CABP1: variants seen among roughly 807,000 people sequenced by gnomAD.
CABP1 encodes calcium binding protein 1, also known as calcium-binding protein 1.
Under a neutral mutation model 34.3 loss-of-function variants are expected in CABP1, and 17 were observed. That is an observed-to-expected ratio of 0.50 (90% CI 0.34 to 0.74). The LOEUF (loss-of-function observed/expected upper bound fraction) is 0.74. Ranked by LOEUF, CABP1 falls within the 30% of genes least tolerant of loss-of-function variation. The pLI, the probability that CABP1 is intolerant of heterozygous loss-of-function variation, is 0.01. For synonymous variants in CABP1, 198 were observed against 229.2 expected, an observed-to-expected ratio of 0.86 and a Z score of 1.23; for missense variants, 373 against 511.1, an observed-to-expected ratio of 0.73 and a Z score of 2.61.
At chr12:120,655,805 ATATG>A in intron 1 of CABP1, 1 of 1,510,932 alleles carries the variant, frequency 6.6e-7, no homozygotes, top group East Asian at 2.5e-5. Context: ...GATTCTGTGC[ATATG>A]TATGTGCCAG....
chr12:120,651,573 C>T (rs542161107), intron 1 of CABP1, among the ~76,000 whole-genome samples: 10 of 152,262 alleles, frequency 6.6e-5, no homozygotes, highest in Non-Finnish European at 1.3e-4. Context: ...CTTCCATTTT[C>T]CAGACAAGGA....
chr12:120,667,460 A>C (rs572190755), downstream of CABP1: 20 of 158,558 alleles, frequency 1.3e-4, no homozygotes, highest in Non-Finnish European at 2.5e-4. Context: ...TTATTTCGAG[A>C]AGAAGTCAAA....
At position 120,666,950 on chromosome 12, in the gene CABP1, GA is replaced by G; in HGVS notation, c.*51del. On this transcript the variant is annotated 3_prime_UTR_variant, in exon 6 of 6. Coordinates refer to ENST00000316803, the MANE Select transcript of CABP1 (RefSeq NM_001033677.2). ...GCCAAGCTCCCAAAGGCGGGGCTAA[GA>G]GGAGCTAGAGCTTGCCTCACCCGCT... is the stretch of plus-strand genomic sequence containing the variant. 1 of 1,569,906 alleles carries G rather than the reference GA, an allele frequency of 6.4e-7. No homozygotes were observed. Among genetic ancestry groups the G allele is most frequent in the Non-Finnish European group, 8.6e-7 (1 of 1,163,298 alleles).
chr12:120,680,510 G>A, the CABP1 span, among the ~76,000 whole-genome samples: 2 of 152,166 alleles, frequency 1.3e-5, no homozygotes, highest in South Asian at 4.1e-4. Context: ...GAATGCAGCC[G>A]CCCCAAGTGT....
At chr12:120,659,989 C>T in intron 2 of CABP1, 81 bp downstream of exon 2, 1 of 1,456,388 alleles carries the variant, frequency 6.9e-7, no homozygotes, top group Non-Finnish European at 9.5e-7. Context: ...GAAGAGAGGC[C>T]CCTGGAAATG....
chr12:120,650,838 C>T (rs1472665242), intron 1 of CABP1, among the ~76,000 whole-genome samples: 1 of 152,206 alleles, frequency 6.6e-6, no homozygotes, highest in Admixed American at 6.5e-5. Context: ...AAACACCCTC[C>T]TATTGCCGTT....
chr12:120,646,820 C>T (rs1281007373), intron 1 of CABP1, among the ~76,000 whole-genome samples: 2 of 152,208 alleles, frequency 1.3e-5, no homozygotes, highest in East Asian at 1.9e-4. Flanking sequence ...GCTGTTCAGC[C>T]CTTTTAAAAT....
rs1879708760 is a variant in CABP1 at position 120,649,465 on chromosome 12, G to C, written c.654+8126G>C. ...AGGTCTCAAACCGGACATCTGAGGC[G>C]TGAGATGAATTCATATCAAAGCCGA... On this transcript the variant is annotated intron_variant, in intron 1 of 5. Transcript: ENST00000316803. Among the ~76,000 whole-genome samples the C allele has an allele frequency of 2.6e-5, 4 of 152,238 alleles. No individual in the cohort carries two copies. The South Asian group carries it at 6.2e-4, about 24-fold the overall frequency.
intron 1 of CABP1, chr12:120,655,487 C>T: frequency 9.3e-7 from 1 of 1,077,382 alleles, no homozygotes; most frequent in Non-Finnish European, 1.1e-6. Flanking sequence ...CTCTCACACC[C>T]TGCCTGCTTC....
intron 1 of CABP1, among the ~76,000 whole-genome samples, chr12:120,647,816 A>G (rs1251528816): frequency 6.7e-6 from 1 of 148,706 alleles, no homozygotes; most frequent in African/African-American, 2.5e-5. Flanking sequence ...TCCTGACCTC[A>G]GGTGATCCAC....
At position 120,666,808 on chromosome 12, in the gene CABP1, T is replaced by C. The variant is rs957726819; in HGVS notation, c.1088-67T>C. ...GGGGCAGTGGCAACAGGGTGGGGTC[T>C]GAAGGCAGCAACCTGGGGAGGCCTC... On this transcript the variant is annotated intron_variant, in intron 5 of 5. Transcript: ENST00000316803. 7 of 1,546,464 alleles carry C rather than the reference T, an allele frequency of 4.5e-6. 1 individual carries two copies. The East Asian group carries it at 1.6e-4, about 36-fold the overall frequency.
chr12:120,648,880 A>G (rs888195717), intron 1 of CABP1, among the ~76,000 whole-genome samples: 2 of 91,060 alleles, frequency 2.2e-5, no homozygotes, highest in Non-Finnish European at 4.8e-5. Flanking sequence ...GACACTGTCT[A>G]AAAAAAAAAA....
chr12:120,641,689 A>C lies in CABP1; in HGVS notation c.654+350A>C. ...GCTCCGAGCAGGTGGCGCCAAACCC[A>C]CTCCTCTGGCCTCTGGCCAGTACCG... On this transcript the variant is annotated intron_variant, in intron 1 of 5. Coordinates refer to ENST00000316803, the MANE Select transcript of CABP1 (RefSeq NM_001033677.2). This position sits in a 1 kb window ranked among gnomAD's most constrained non-coding sequence, Gnocchi z 6.7. 9.8e-6 allele frequency: 2 copies of C among 204,564 alleles called. No homozygotes were observed. Among genetic ancestry groups the C allele is most frequent in the African/African-American group, 2.3e-5 (1 of 43,290 alleles). The allele number at this position is 204,564 out of a possible 1,614,324, so 12.7% of individuals were successfully genotyped here. A position where few individuals can be genotyped will look rare whatever the true frequency, so the allele number is the denominator to read the frequency against.
At chr12:120,679,010 T>C in the CABP1 span, among the ~76,000 whole-genome samples, 20 of 146,462 alleles carry the variant, frequency 1.4e-4, no homozygotes, top group African/African-American at 5.1e-4. Context: ...GAGGCCAAGG[T>C]TGCAGTGAGA....
At chr12:120,669,181 G>A (rs1174537468), downstream of CABP1, among the ~76,000 whole-genome samples, 1 of 152,226 alleles carries the variant, frequency 6.6e-6, no homozygotes, top group Non-Finnish European at 1.5e-5. Context: ...CTCAGACCTG[G>A]CAGGGAATGT....
At chr12:120,643,881 T>C (rs1051020206) in intron 1 of CABP1, among the ~76,000 whole-genome samples, 1 of 152,246 alleles carries the variant, frequency 6.6e-6, no homozygotes, top group African/African-American at 2.4e-5. Flanking sequence ...TTGTTGTTAT[T>C]GTTGATTAAC....
At position 120,660,019 on chromosome 12, in the gene CABP1, G is replaced by GT; in HGVS notation, c.685+112dup. ...GAAATGGGGCCTGGTGCAACGCGGGGTATCTTCTGTGAAACCAGCTGCTGA... is the reference window on the plus strand; with the variant it reads ...GAAATGGGGCCTGGTGCAACGCGGGGTTATCTTCTGTGAAACCAGCTGCTGA... On this transcript the variant is annotated intron_variant, in intron 2 of 5. Transcript: ENST00000316803. The surrounding 1 kb of genome is among the most constrained non-coding windows in gnomAD (Gnocchi z 5.0). 7.7e-7 allele frequency: 1 copy of GT among 1,294,372 alleles called. No individual in the cohort carries two copies. Among genetic ancestry groups the GT allele is most frequent in the Non-Finnish European group, 1.1e-6 (1 of 915,570 alleles). The allele number at this position is 1,294,372 out of a possible 1,614,324, so 80.2% of individuals were successfully genotyped here.
the CABP1 span, among the ~76,000 whole-genome samples, chr12:120,680,026 G>C: frequency 6.6e-6 from 1 of 151,952 alleles, no homozygotes; most frequent in South Asian, 2.1e-4. Flanking sequence ...ACAAAAATTA[G>C]CCAGATGTGG....
chr12:120,647,002 G>T lies in CABP1; in HGVS notation c.654+5663G>T, dbSNP rs556965302. On this transcript the variant is annotated intron_variant, in intron 1 of 5. Transcript: ENST00000316803. ...AAGCAGGATGGGATTTCTTCAAAGT[G>T]TGTGATTTTTCCATAGGGACCAGGT... 5.7e-4 allele frequency among the ~76,000 whole-genome samples: 87 copies of T among 152,260 alleles called. 2 individuals are homozygous for T. The South Asian group carries it at 0.016, about 28-fold the overall frequency.
Sources: gnomAD v4.1 joint callset for allele counts (sites outside exome capture counted in the v4.1 genomes callset) on GRCh38, gnomAD v4.1.1 for gene constraint, Gnocchi (gnomAD v3.1) non-coding constraint, MANE v1.5 for transcripts, NCBI Gene and HGNC (gene_info 2026-07-23, HGNC 2026-07-21) for gene names.